Variants in DCUN1D2 observed in about 807,000 individuals in gnomAD.
DCUN1D2 encodes defective in cullin neddylation 1 domain containing 2.
A neutral mutation model predicts 30.9 loss-of-function variants in DCUN1D2; 29 were observed. The ratio of observed to expected loss-of-function variants is 0.94; its 90% CI spans 0.70 to 1.28. The LOEUF (loss-of-function observed/expected upper bound fraction) is 1.28. DCUN1D2 is among the 50% of genes most tolerant of loss of function. DCUN1D2 has a pLI of 0.00. For synonymous variants in DCUN1D2, 121 were observed against 115.3 expected (o/e 1.05, Z -0.32); for missense variants, 325 against 316.9 (o/e 1.03, Z -0.19).
intron 2 of DCUN1D2, among the ~76,000 whole-genome samples, chr13:113,481,111 T>C (rs961715297): frequency 6.6e-6 from 1 of 152,208 alleles, no homozygotes; most frequent in Non-Finnish European, 1.5e-5. Context: ...ATATACTGTA[T>C]TGATAAAGTA....
At chr13:113,489,514 C>T (rs1439553073) in intron 1 of DCUN1D2, among the ~76,000 whole-genome samples, 2 of 152,144 alleles carry the variant, frequency 1.3e-5, no homozygotes, top group Non-Finnish European at 2.9e-5. Context: ...GGTTTCGACA[C>T]ATTCTAGTGT....
chr13:113,490,708 C>T lies in DCUN1D2; in HGVS notation c.-39G>A. ...CCCGCTTCTGGCCGGCCCCGGCCTT[C>T]TGCGCAGGCGCGGCGGCGGCTCCGC... On this transcript the variant is annotated 5_prime_UTR_variant, in exon 1 of 7. Coordinates refer to ENST00000478244, the MANE Select transcript of DCUN1D2 (RefSeq NM_001014283.2). This position sits in a 1 kb window ranked among gnomAD's most constrained non-coding sequence, Gnocchi z 5.2. 1.7e-6 allele frequency: 2 copies of T among 1,206,494 alleles called. No individual in the cohort carries two copies. Among genetic ancestry groups the T allele is most frequent in the Non-Finnish European group, 2.1e-6 (2 of 971,286 alleles). 74.7% of individuals were successfully genotyped at this position (1,206,494 alleles called of 1,614,324 possible).
At position 113,459,377 on chromosome 13, in the gene DCUN1D2, G is replaced by C; in HGVS notation, c.635C>G (p.Thr212Ser). 2 of 1,597,130 alleles carry C rather than the reference G, an allele frequency of 1.3e-6. No individual in the cohort carries two copies. The highest frequency in any genetic ancestry group is 2.2e-5 in the East Asian group (1 of 44,774). ...TCCAAAGTCCAGCAGGAGGTTCCAG[G>C]TGTCCCTTGGAATTGATCTTTTGTG... ...EHHKRSIPRD[T>S]WNLLLDFGNM... The change falls in exon 6 of 7, where the codon ACC (threonine) becomes AGC (serine). Residue 212 changes from threonine (T) to serine (S), a missense_variant. Transcript: ENST00000478244.
chr13:113,487,955 A>G (rs1438076149), intron 1 of DCUN1D2, among the ~76,000 whole-genome samples: 1 of 152,210 alleles, frequency 6.6e-6, no homozygotes, highest in African/African-American at 2.4e-5. Context: ...CCAGCATTAT[A>G]CAACTGATGA....
At chr13:113,464,442 G>C (rs916550381) in intron 4 of DCUN1D2, among the ~76,000 whole-genome samples, 2 of 152,292 alleles carry the variant, frequency 1.3e-5, no homozygotes, top group Non-Finnish European at 2.9e-5. Context: ...CCCATATACT[G>C]ACCTTCCTTG....
At chr13:113,459,693 C>T (rs1033336614) in intron 5 of DCUN1D2, 4 of 272,724 alleles carry the variant, frequency 1.5e-5, no homozygotes, top group Non-Finnish European at 2.8e-5. Context: ...AATCTCGTTA[C>T]CTGCCCATTA....
chr13:113,456,471 C>T lies in DCUN1D2; in HGVS notation c.*1558G>A, dbSNP rs1451502427. Reference sequence around the variant, plus strand: ...CTTGTCTGGGCCATGCTCTCTCACACCGCAGCTAGGTCATCTGCGGCGACT... The same window carrying T: ...CTTGTCTGGGCCATGCTCTCTCACATCGCAGCTAGGTCATCTGCGGCGACT... On this transcript the variant is annotated 3_prime_UTR_variant, in exon 7 of 7. Transcript: ENST00000478244. 1 of 398,346 alleles carries T rather than the reference C, an allele frequency of 2.5e-6. No individual in the cohort carries two copies. The highest frequency in any genetic ancestry group is 4.4e-6 in the Non-Finnish European group (1 of 226,178). 24.7% of individuals were successfully genotyped at this position (398,346 alleles called of 1,614,324 possible). A position where few individuals can be genotyped will look rare whatever the true frequency, so the allele number is the denominator to read the frequency against.
At chr13:113,475,462 G>C (rs1271931346) in intron 3 of DCUN1D2, 1 of 152,262 alleles carries the variant, frequency 6.6e-6, no homozygotes, top group Admixed American at 6.5e-5. Flanking sequence ...ATCTCGGTTT[G>C]TGTAAGTGCA....
intron 2 of DCUN1D2, 99 bp from the exon 3 acceptor site, chr13:113,480,842 C>G: frequency 5.5e-6 from 7 of 1,282,060 alleles, no homozygotes; most frequent in Non-Finnish European, 7.6e-6. Context: ...CTACATAGTT[C>G]TAGCAAGCGT....
intron 6 of DCUN1D2, 71 bp from the exon 7 acceptor site, chr13:113,458,179 T>C: frequency 7.9e-7 from 1 of 1,264,502 alleles, no homozygotes; most frequent in South Asian, 1.2e-5. Context: ...GAGTCACACA[T>C]CAATCCAACA....
intron 1 of DCUN1D2, chr13:113,484,294 C>T (rs1029121432): frequency 1.8e-5 from 15 of 814,216 alleles, no homozygotes; most frequent in Non-Finnish European, 2.5e-5. Context: ...ACATTCTGAT[C>T]TCTATCCAGT....
intron 3 of DCUN1D2, among the ~76,000 whole-genome samples, 153 bp from the exon 4 acceptor site, chr13:113,474,407 G>A (rs564574820): frequency 6.6e-6 from 1 of 152,270 alleles, no homozygotes; most frequent in South Asian, 2.1e-4. Context: ...AAGGCTCTAA[G>A]TGATGATGTA....
At chr13:113,465,424 A>G (rs1292894735) in intron 4 of DCUN1D2, among the ~76,000 whole-genome samples, 8 of 152,108 alleles carry the variant, frequency 5.3e-5, no homozygotes, top group African/African-American at 1.7e-4. Context: ...CGAATTTTAG[A>G]AAAGTGTGAG....
rs1292486045 is a variant in DCUN1D2, at chr13:113,457,844, G to A, written c.*185C>T. On this transcript the variant is annotated 3_prime_UTR_variant, in exon 7 of 7. Coordinates refer to ENST00000478244, the MANE Select transcript of DCUN1D2 (RefSeq NM_001014283.2). ...ACATCCCAAAGCAGCCGTGTCCCGA[G>A]GAACTTCCTGCGGTGTCCACAAAGC... The A allele has an allele frequency of 1.6e-6, 1 of 623,822 alleles. No homozygotes were observed. The highest frequency in any genetic ancestry group is 2.9e-6 in the Non-Finnish European group (1 of 346,452). The allele number at this position is 623,822 out of a possible 1,614,324, so 38.6% of individuals were successfully genotyped here.
At chr13:113,473,980 A>T (rs2044567803) in intron 4 of DCUN1D2, 144 bp downstream of exon 4, 2 of 943,248 alleles carry the variant, frequency 2.1e-6, no homozygotes, top group Admixed American at 2.5e-5. Context: ...ACTCCAGCCT[A>T]GGTGACAGAG....
intron 4 of DCUN1D2, among the ~76,000 whole-genome samples, chr13:113,463,457 C>T (rs377318540): frequency 3.0e-4 from 45 of 151,778 alleles, no homozygotes; most frequent in African/African-American, 1.0e-3. Flanking sequence ...TTTAGGAGGC[C>T]GCGGCAGGAG....
At position 113,457,855 on chromosome 13, in the gene DCUN1D2, C is replaced by T. The variant is rs566086897; in HGVS notation, c.*174G>A. On this transcript the variant is annotated 3_prime_UTR_variant, in exon 7 of 7. Transcript: ENST00000478244. The stretch of plus-strand genomic sequence containing the variant: ...CAGCCGTGTCCCGAGGAACTTCCTG[C>T]GGTGTCCACAAAGCAGCCGCTGGCT... The T allele has an allele frequency of 1.7e-4, 112 of 649,376 alleles. No individual in the cohort carries two copies. Among genetic ancestry groups the T allele is most frequent in the African/African-American group, 1.6e-3 (92 of 55,820 alleles). The allele number at this position is 649,376 out of a possible 1,614,324, so 40.2% of individuals were successfully genotyped here.
intron 4 of DCUN1D2, among the ~76,000 whole-genome samples, chr13:113,470,222 C>T (rs577957302): frequency 7.9e-5 from 12 of 152,318 alleles, no homozygotes; most frequent in Admixed American, 2.0e-4. Context: ...TACAGTCACA[C>T]GCTGTCCAGG....
At chr13:113,474,034 T>A (rs2044568754) in intron 4 of DCUN1D2, 90 bp downstream of exon 4, 1 of 1,512,788 alleles carries the variant, frequency 6.6e-7, no homozygotes, top group Admixed American at 1.9e-5. Context: ...CCAAAAACAT[T>A]ACAGTTGGCT....
Sources: allele counts gnomAD v4.1 joint callset (sites outside exome capture counted in the v4.1 genomes callset), GRCh38; gene constraint gnomAD v4.1.1; non-coding constraint Gnocchi (gnomAD v3.1); transcripts MANE v1.5; gene names NCBI Gene and HGNC (gene_info 2026-07-23, HGNC 2026-07-21).